Variants in ZNHIT6 observed in about 807,000 individuals in gnomAD.
ZNHIT6 encodes box C/D snoRNA protein 1.
ZNHIT6 carries 45 observed loss-of-function variants against 57.2 expected under a neutral mutation model. The ratio of observed to expected loss-of-function variants is 0.79; its 90% CI spans 0.62 to 1.01. The LOEUF (loss-of-function observed/expected upper bound fraction) is 1.01. ZNHIT6 is among the 50% of genes least tolerant of loss of function. The probability of loss-of-function intolerance (pLI) is 0.00; values close to 1 mark genes in which losing one functional copy is unlikely to be tolerated. For missense variants in ZNHIT6, 528 were observed against 567.3 expected (o/e 0.93, Z 0.70); for synonymous variants, 188 against 190.0 (o/e 0.99, Z 0.09).
intron 5 of ZNHIT6, 38 bp downstream of exon 5, chr1:85,702,119 A>C (rs1290644562): frequency 7.1e-7 from 1 of 1,399,868 alleles, no homozygotes; most frequent in South Asian, 1.2e-5. Flanking sequence ...TCCTGATCAA[A>C]TCAGAATACC....
rs530467284 is a variant in ZNHIT6 at position 85,685,524 on chromosome 1, T to A, written c.1020-4620A>T. ...TTATAAAAGGACTTGACTTAATTTTTACCTACGAATATGTCTGTATTATTA... is the reference window on the plus strand; with the variant it reads ...TTATAAAAGGACTTGACTTAATTTTAACCTACGAATATGTCTGTATTATTA... On this transcript the variant is annotated intron_variant, in intron 5 of 9. Transcript: ENST00000370574. 7.0e-4 allele frequency among the ~76,000 whole-genome samples: 106 copies of A among 152,332 alleles called. 1 individual carries two copies. In the South Asian group the frequency reaches 0.02, roughly 28 times the overall value.
At chr1:85,706,946 T>A (rs1295317930) in intron 1 of ZNHIT6, among the ~76,000 whole-genome samples, 1 of 152,142 alleles carries the variant, frequency 6.6e-6, no homozygotes. Flanking sequence ...AGTAGCACCC[T>A]TTTTCCTGAA....
At chr1:85,667,489 T>A (rs1299578406) in intron 8 of ZNHIT6, among the ~76,000 whole-genome samples, 1 of 152,060 alleles carries the variant, frequency 6.6e-6, no homozygotes, top group Non-Finnish European at 1.5e-5. Flanking sequence ...TAAATTGACA[T>A]CCTACAAGTT....
At chr1:85,694,651 G>A (rs981528006) in intron 5 of ZNHIT6, among the ~76,000 whole-genome samples, 4 of 152,064 alleles carry the variant, frequency 2.6e-5, no homozygotes, top group Non-Finnish European at 4.4e-5. Context: ...TAGTAGAGAC[G>A]GGGTTTCACC....
At chr1:85,665,877 A>G (rs371501797) in intron 8 of ZNHIT6, among the ~76,000 whole-genome samples, 2 of 152,286 alleles carry the variant, frequency 1.3e-5, no homozygotes, top group South Asian at 2.1e-4. Flanking sequence ...ATTATTTTAG[A>G]GTTGGCAGGA....
At chr1:85,657,415 CTTTTT>C (rs3835558) in intron 9 of ZNHIT6, among the ~76,000 whole-genome samples, 1 of 135,306 alleles carries the variant, frequency 7.4e-6, no homozygotes, top group Non-Finnish European at 1.6e-5. Flanking sequence ...GGATACTAGG[CTTTTT>C]TTTTTTTTTT....
At chr1:85,696,170 A>G (rs1470334525) in intron 5 of ZNHIT6, among the ~76,000 whole-genome samples, 1 of 140,580 alleles carries the variant, frequency 7.1e-6, no homozygotes, top group Non-Finnish European at 1.6e-5. Flanking sequence ...TAATTTATTA[A>G]CTGCATTTTT....
intron 8 of ZNHIT6, among the ~76,000 whole-genome samples, chr1:85,672,287 T>C (rs1661576821): frequency 6.6e-6 from 1 of 151,168 alleles, no homozygotes. Flanking sequence ...GTCTTACTGC[T>C]TTTTTTTTGC....
intron 5 of ZNHIT6, among the ~76,000 whole-genome samples, chr1:85,682,266 C>T (rs6682426): frequency 0.01 from 1,550 of 151,456 alleles, 23 homozygotes; most frequent in African/African-American, 0.036. Flanking sequence ...CCTCGTGATC[C>T]ACCTGGCTCG....
chr1:85,683,802 A>G (rs1661948531), intron 5 of ZNHIT6, among the ~76,000 whole-genome samples: 2 of 152,098 alleles, frequency 1.3e-5, no homozygotes, highest in African/African-American at 4.8e-5. Flanking sequence ...GGGTTTCTCA[A>G]TCTCAGCAGT....
intron 8 of ZNHIT6, among the ~76,000 whole-genome samples, chr1:85,670,205 A>G (rs185564657): frequency 1.3e-3 from 197 of 152,244 alleles, no homozygotes; most frequent in African/African-American, 4.6e-3. Context: ...CCAGCCCACT[A>G]TCTGTTTTTG....
chr1:85,674,739 A>G lies in ZNHIT6; in HGVS notation c.1247+2497T>C, dbSNP rs572620497. On this transcript the variant is annotated intron_variant, in intron 8 of 9. Coordinates refer to ENST00000370574, the MANE Select transcript of ZNHIT6 (RefSeq NM_017953.4). ...TATCTAATTAGTTCATTTAAATGTTACTCATGTTTTAAGCCATGAGACCAT... is the reference window on the plus strand; with the variant it reads ...TATCTAATTAGTTCATTTAAATGTTGCTCATGTTTTAAGCCATGAGACCAT... Among the ~76,000 whole-genome samples the G allele has an allele frequency of 3.9e-5, 6 of 152,072 alleles. No individual in the cohort carries two copies. In the South Asian group the frequency reaches 1.2e-3, roughly 32 times the overall value.
intron 1 of ZNHIT6, among the ~76,000 whole-genome samples, 158 bp downstream of exon 1, chr1:85,707,471 C>A (rs1051805044): frequency 1.8e-4 from 28 of 152,284 alleles, no homozygotes; most frequent in Non-Finnish European, 4.0e-4. Context: ...ACACCCTCCA[C>A]TTCCCAACCC....
intron 8 of ZNHIT6, among the ~76,000 whole-genome samples, chr1:85,662,723 G>C (rs1661259833): frequency 6.6e-6 from 1 of 152,034 alleles, no homozygotes; most frequent in South Asian, 2.1e-4. Flanking sequence ...TTTGTTTTGG[G>C]ATTTTTATAT....
chr1:85,694,606 C>G (rs80130693), intron 5 of ZNHIT6, among the ~76,000 whole-genome samples: 5,822 of 152,220 alleles, frequency 0.038, 398 homozygotes, highest in African/African-American at 0.13. Flanking sequence ...GGATTACAGG[C>G]GCACGCCTCC....
chr1:85,680,957 T>G lies in ZNHIT6; in HGVS notation c.1020-53A>C. On this transcript the variant is annotated intron_variant, in intron 5 of 9. Transcript: ENST00000370574. ...TCAAGGTAGATAATAAAAGTCTGGATGCAAATTGAACTTTCTAAATTTTCA... is the reference window on the plus strand; with the variant it reads ...TCAAGGTAGATAATAAAAGTCTGGAGGCAAATTGAACTTTCTAAATTTTCA... 2.2e-6 allele frequency: 3 copies of G among 1,373,132 alleles called. No individual in the cohort carries two copies. In the South Asian group the frequency reaches 3.9e-5, roughly 18 times the overall value. 85.1% of individuals were successfully genotyped at this position (1,373,132 alleles called of 1,614,324 possible).
At chr1:85,707,574 T>C in intron 1 of ZNHIT6, 55 bp downstream of exon 1, 2 of 1,495,302 alleles carry the variant, frequency 1.3e-6, no homozygotes, top group South Asian at 2.8e-5. Flanking sequence ...TCCTTCACTC[T>C]AGACATGAGG....
intron 8 of ZNHIT6, among the ~76,000 whole-genome samples, chr1:85,658,569 C>T (rs1021947729): frequency 2.0e-5 from 3 of 150,478 alleles, no homozygotes; most frequent in Non-Finnish European, 4.4e-5. Context: ...TAGTTAAAGA[C>T]TCTTATATAA....
intron 8 of ZNHIT6, among the ~76,000 whole-genome samples, chr1:85,659,471 A>AC (rs1557833996): frequency 1.3e-5 from 2 of 152,226 alleles, no homozygotes; most frequent in Non-Finnish European, 2.9e-5. Context: ...TGCAAAACAC[A>AC]TATCTCATGA....
Sources: gnomAD v4.1 joint callset for allele counts (sites outside exome capture counted in the v4.1 genomes callset) on GRCh38, gnomAD v4.1.1 for gene constraint, MANE v1.5 for transcripts, NCBI Gene and HGNC (gene_info 2026-07-23, HGNC 2026-07-21) for gene names.